PPP2R2B: variants seen among roughly 807,000 people sequenced by gnomAD.
PPP2R2B encodes the protein serine/threonine-protein phosphatase 2A 55 kDa regulatory subunit B beta isoform.
A neutral mutation model predicts 46.0 loss-of-function variants in PPP2R2B; 5 were observed. The ratio of observed to expected loss-of-function variants is 0.11; its 90% CI spans 0.06 to 0.23. The LOEUF (loss-of-function observed/expected upper bound fraction) is 0.23, where lower values mean the gene tolerates loss of function less well. Ranked by LOEUF, PPP2R2B falls within the 10% of genes least tolerant of loss-of-function variation. The probability of loss-of-function intolerance (pLI) is 1.00; values close to 1 mark genes in which losing one functional copy is unlikely to be tolerated. For missense variants in PPP2R2B, 367 were observed against 575.0 expected, an observed-to-expected ratio of 0.64 and a Z score of 3.70; for synonymous variants, 215 against 206.7, an observed-to-expected ratio of 1.04 and a Z score of -0.34.
intron 1 of PPP2R2B, among the ~76,000 whole-genome samples, chr5:146,908,135 C>T (rs978493856): frequency 9.9e-5 from 15 of 152,138 alleles, no homozygotes; most frequent in Admixed American, 9.2e-4. Context: ...CCCCAGGGCA[C>T]CACAGTGAAC....
At chr5:146,795,423 T>C (rs1008867837) in intron 2 of PPP2R2B, among the ~76,000 whole-genome samples, 4 of 152,206 alleles carry the variant, frequency 2.6e-5, no homozygotes, top group Admixed American at 2.6e-4. Context: ...CCAAATGAAA[T>C]GAACCACACA....
At chr5:146,682,312 T>G (rs1045698147) in intron 5 of PPP2R2B, among the ~76,000 whole-genome samples, 5 of 152,220 alleles carry the variant, frequency 3.3e-5, no homozygotes, top group African/African-American at 9.6e-5. Flanking sequence ...ATATTCATCA[T>G]GCTTTCCTGA....
At position 146,755,717 on chromosome 5, in the gene PPP2R2B, A is replaced by G. The variant is rs1480138798; in HGVS notation, c.71-54575T>C. On this transcript the variant is annotated intron_variant, in intron 2 of 9. Coordinates refer to ENST00000394411, the MANE Select transcript of PPP2R2B (RefSeq NM_181675.4). ...GTTTTGTTGTCAGGTAAGGTTATGG[A>G]AAAGGTATTTTAAAAGTAAACTTTG... Among the ~76,000 whole-genome samples the G allele has an allele frequency of 2.0e-5, 3 of 152,344 alleles. No individual in the cohort carries two copies. The East Asian group carries it at 5.8e-4, about 29-fold the overall frequency.
chr5:146,684,225 A>G (rs1019848225), intron 5 of PPP2R2B, among the ~76,000 whole-genome samples: 1 of 152,230 alleles, frequency 6.6e-6, no homozygotes, highest in Admixed American at 6.5e-5. Context: ...ATGAAGTCTA[A>G]AAAAATTAAA....
At chr5:147,051,399 GA>G (rs1211900748) in intron 1 of PPP2R2B, among the ~76,000 whole-genome samples, 2 of 152,318 alleles carry the variant, frequency 1.3e-5, no homozygotes, top group East Asian at 3.9e-4. Flanking sequence ...TCATGGTGCT[GA>G]AGCTGCTTCT....
upstream of PPP2R2B, among the ~76,000 whole-genome samples, chr5:146,882,859 T>A (rs1455776822): frequency 3.9e-5 from 6 of 152,230 alleles, no homozygotes; most frequent in African/African-American, 1.4e-4. Context: ...GTGCTTTACA[T>A]AGAAAAGGCC....
chr5:146,891,019 G>T (rs142540225), intron 1 of PPP2R2B, among the ~76,000 whole-genome samples: 5 of 152,282 alleles, frequency 3.3e-5, no homozygotes, highest in African/African-American at 9.6e-5. Context: ...ACAGTTGAGT[G>T]CAAGTTTAGA....
At chr5:146,930,091 T>C (rs1763918415) in intron 1 of PPP2R2B, among the ~76,000 whole-genome samples, 1 of 152,192 alleles carries the variant, frequency 6.6e-6, no homozygotes, top group African/African-American at 2.4e-5. Context: ...CATTTTCTGA[T>C]AGTGGCACTA....
intron 1 of PPP2R2B, among the ~76,000 whole-genome samples, chr5:146,902,019 GA>G (rs1385367364): frequency 6.6e-6 from 1 of 152,100 alleles, no homozygotes; most frequent in Non-Finnish European, 1.5e-5. Flanking sequence ...AAAGTGTGAT[GA>G]AAAAATCTCT....
At chr5:146,856,638 T>A (rs1760688067) in intron 2 of PPP2R2B, 1 of 1,301,226 alleles carries the variant, frequency 7.7e-7, no homozygotes, top group Non-Finnish European at 1.1e-6. Context: ...ATGCTTCAAC[T>A]TTTGGTAACA....
chr5:146,863,663 T>G (rs1761139892), intron 2 of PPP2R2B, among the ~76,000 whole-genome samples: 1 of 151,938 alleles, frequency 6.6e-6, no homozygotes, highest in South Asian at 2.1e-4. Flanking sequence ...CATCCATCCA[T>G]CCATCCATCC....
chr5:146,745,160 CAGAGAGAGAGAGAG>C (rs747573157), intron 2 of PPP2R2B, among the ~76,000 whole-genome samples: 43 of 95,038 alleles, frequency 4.5e-4, no homozygotes, highest in African/African-American at 1.4e-3. Flanking sequence ...CAGAGAAAGA[CAGAGAGAGAGAGAG>C]AGAGAGAGAG....
chr5:146,993,654 C>T (rs948071486), intron 1 of PPP2R2B, among the ~76,000 whole-genome samples: 1 of 152,138 alleles, frequency 6.6e-6, no homozygotes, highest in African/African-American at 2.4e-5. Context: ...CTTTCCAAGC[C>T]TCAGCTTTCT....
At chr5:146,684,357 T>C (rs1778358141) in intron 5 of PPP2R2B, among the ~76,000 whole-genome samples, 1 of 152,238 alleles carries the variant, frequency 6.6e-6, no homozygotes, top group African/African-American at 2.4e-5. Flanking sequence ...GCACTAAATC[T>C]GGCCTGGGGT....
At chr5:147,024,197 A>ATCTG (rs1310905131) in intron 1 of PPP2R2B, among the ~76,000 whole-genome samples, 3 of 151,532 alleles carry the variant, frequency 2.0e-5, no homozygotes, top group Admixed American at 1.3e-4. Context: ...CTATCTATCT[A>ATCTG]TCTATCACCT....
At chr5:146,798,252 C>T (rs2151302206) in intron 2 of PPP2R2B, among the ~76,000 whole-genome samples, 1 of 152,226 alleles carries the variant, frequency 6.6e-6, no homozygotes, top group African/African-American at 2.4e-5. Context: ...TTTTCATCTT[C>T]CAAGGAGACT....
chr5:146,695,207 A>G (rs1329910133), intron 4 of PPP2R2B, among the ~76,000 whole-genome samples: 1 of 152,142 alleles, frequency 6.6e-6, no homozygotes, highest in Non-Finnish European at 1.5e-5. Flanking sequence ...ATTTATTTGT[A>G]TCTTTTTGCT....
In PPP2R2B at chr5:146,812,793, GTATATATATATA is replaced by G. The variant is rs1201054676; in HGVS notation, c.70+65197_70+65208del. ...AATGTGTGTGTGTGTGTATATGTGT[GTATATATATATA>G]TATATATATATATATATATATATAC... On this transcript the variant is annotated intron_variant, in intron 2 of 9. Transcript: ENST00000394411. Among the ~76,000 whole-genome samples the G allele has an allele frequency of 2.5e-4, 3 of 12,114 alleles. 1 individual carries two copies. Among genetic ancestry groups the G allele is most frequent in the Non-Finnish European group, 4.9e-4 (3 of 6,164 alleles). The allele number at this position is 12,114 out of a possible 152,430, so 7.9% of individuals were successfully genotyped here.
intron 2 of PPP2R2B, among the ~76,000 whole-genome samples, chr5:146,860,450 A>G (rs1457877151): frequency 1.3e-5 from 2 of 152,120 alleles, no homozygotes; most frequent in Admixed American, 1.3e-4. Flanking sequence ...AACACACCAC[A>G]CTTTCTAAAG....
Sources: allele counts gnomAD v4.1 joint callset (sites outside exome capture counted in the v4.1 genomes callset), GRCh38; gene constraint gnomAD v4.1.1; transcripts MANE v1.5; gene names NCBI Gene and HGNC (gene_info 2026-07-23, HGNC 2026-07-21).